Variants in MGLL observed in about 807,000 individuals in gnomAD.
MGLL encodes the protein monoglyceride lipase.
A neutral mutation model predicts 29.1 loss-of-function variants in MGLL; 7 were observed. The observed-to-expected ratio is 0.24, with a 90% CI of 0.14 to 0.45. MGLL has a LOEUF of 0.45. Among genes scored for constraint, MGLL ranks in the 20% least tolerant of loss-of-function variants. The pLI is 0.99. For synonymous variants in MGLL, 148 were observed against 168.3 expected (o/e 0.88, Z 0.93); for missense variants, 356 against 413.6 (o/e 0.86, Z 1.21).
chr3:127,695,940 C>T (rs2075351693), intron 6 of MGLL, among the ~76,000 whole-genome samples: 1 of 152,190 alleles, frequency 6.6e-6, no homozygotes. Context: ...CAGTAAACTG[C>T]AGGAACAGTT....
At chr3:127,759,917 T>C (rs544405785) in intron 3 of MGLL, among the ~76,000 whole-genome samples, 2 of 152,214 alleles carry the variant, frequency 1.3e-5, no homozygotes, top group Admixed American at 6.5e-5. Context: ...ATTATGATTA[T>C]GGGGTCTGAA....
In MGLL at chr3:127,789,875, A is replaced by G. The variant is rs1210766310; in HGVS notation, c.156-7980T>C. Among the ~76,000 whole-genome samples the G allele has an allele frequency of 2.0e-5, 3 of 152,240 alleles. No homozygotes were observed. In the East Asian group the frequency reaches 5.8e-4, roughly 29 times the overall value. ...CATTCTTTGATCTAATACTCCTTTC[A>G]GAATGGGCACAACTCAGACCCAGAA... On this transcript the variant is annotated intron_variant, in intron 2 of 7. Transcript: ENST00000265052.
chr3:127,782,346 G>C (rs1277252983), intron 2 of MGLL, among the ~76,000 whole-genome samples: 1 of 152,234 alleles, frequency 6.6e-6, no homozygotes, highest in Non-Finnish European at 1.5e-5. Context: ...TCAAATAAGA[G>C]GAGTTTGCTG....
intron 5 of MGLL, among the ~76,000 whole-genome samples, chr3:127,716,210 G>A (rs113688973): frequency 2.0e-5 from 3 of 152,360 alleles, no homozygotes; most frequent in Admixed American, 6.5e-5. Context: ...ATTTGGAGAC[G>A]CGAAGCAGGC....
intron 4 of MGLL, 60 bp from the exon 5 acceptor site, chr3:127,721,223 A>C: frequency 1.4e-6 from 2 of 1,453,300 alleles, no homozygotes; most frequent in Non-Finnish European, 1.9e-6. Context: ...CACATTTCTA[A>C]TAAACATGAC....
chr3:127,740,370 T>C (rs1195748097), intron 3 of MGLL, among the ~76,000 whole-genome samples: 1 of 152,194 alleles, frequency 6.6e-6, no homozygotes, highest in Non-Finnish European at 1.5e-5. Flanking sequence ...TGACTTTTTG[T>C]CTTCATGAGT....
At chr3:127,696,998 C>T (rs1407349719) in intron 6 of MGLL, among the ~76,000 whole-genome samples, 2 of 152,246 alleles carry the variant, frequency 1.3e-5, no homozygotes, top group African/African-American at 4.8e-5. Context: ...CCCTGCCATC[C>T]CTGGATTCCT....
chr3:127,735,696 T>C (rs767613469), intron 3 of MGLL: 7 of 1,595,364 alleles, frequency 4.4e-6, no homozygotes, highest in Non-Finnish European at 5.1e-6. Context: ...ATGAAACAGC[T>C]GAACATACCT....
intron 3 of MGLL, among the ~76,000 whole-genome samples, chr3:127,738,647 A>T (rs2076285611): frequency 2.0e-5 from 3 of 152,170 alleles, no homozygotes; most frequent in Admixed American, 2.0e-4. Context: ...GGCCCTCTCC[A>T]TCTGGGCACA....
chr3:127,743,116 G>A (rs1338265971), intron 3 of MGLL, among the ~76,000 whole-genome samples: 2 of 152,228 alleles, frequency 1.3e-5, no homozygotes, highest in African/African-American at 2.4e-5. Context: ...CACCCAGCCT[G>A]TTTGAGCCAT....
intron 3 of MGLL, among the ~76,000 whole-genome samples, chr3:127,759,553 A>G (rs2076727345): frequency 6.6e-6 from 1 of 152,202 alleles, no homozygotes; most frequent in African/African-American, 2.4e-5. Context: ...GCATGTTCTC[A>G]TGTCTCACTG....
At chr3:127,804,614 A>C (rs2077534499) in intron 2 of MGLL, among the ~76,000 whole-genome samples, 1 of 152,220 alleles carries the variant, frequency 6.6e-6, no homozygotes, top group Non-Finnish European at 1.5e-5. Context: ...GTCAGTAGTC[A>C]CATCTTTCTA....
At chr3:127,739,918 G>T (rs1312528076) in intron 3 of MGLL, among the ~76,000 whole-genome samples, 1 of 152,174 alleles carries the variant, frequency 6.6e-6, no homozygotes, top group Non-Finnish European at 1.5e-5. Context: ...GGTGAAGCAC[G>T]TATAGAGACT....
chr3:127,799,021 C>T (rs2077432152), intron 2 of MGLL, among the ~76,000 whole-genome samples: 1 of 152,228 alleles, frequency 6.6e-6, no homozygotes. Context: ...TGGAGCCAAA[C>T]ACCAAAGGCC....
chr3:127,757,741 A>T (rs1389258505), intron 3 of MGLL, among the ~76,000 whole-genome samples: 1 of 152,136 alleles, frequency 6.6e-6, no homozygotes, highest in Non-Finnish European at 1.5e-5. Context: ...CCTCCGAGAG[A>T]GTGTTTCTTG....
intron 3 of MGLL, chr3:127,736,456 G>T: frequency 3.2e-6 from 2 of 631,008 alleles, no homozygotes; most frequent in Non-Finnish European, 3.9e-6. Flanking sequence ...GTGAGAAATG[G>T]CTCCGCTGCC....
intron 3 of MGLL, chr3:127,736,306 CT>C (rs1289848407): frequency 2.0e-6 from 2 of 985,762 alleles, no homozygotes; most frequent in African/African-American, 3.5e-5. Context: ...AGAAGTGAAA[CT>C]TTTAGAAAGC....
chr3:127,727,708 A>G lies in MGLL; in HGVS notation c.263-5142T>C, dbSNP rs553228546. Among the ~76,000 whole-genome samples, 38 of 149,858 alleles carry G rather than the reference A, an allele frequency of 2.5e-4. No individual in the cohort carries two copies. The South Asian group carries it at 8.0e-3, about 32-fold the overall frequency. ...GCCTGGGCAACAGAGCAAGGCTAAA[A>G]AAAAAAAAAAAAAAAAAAAAACAGA... On this transcript the variant is annotated intron_variant, in intron 3 of 7. Coordinates refer to ENST00000265052, the MANE Select transcript of MGLL (RefSeq NM_007283.7).
chr3:127,757,772 G>T (rs984955334), intron 3 of MGLL, among the ~76,000 whole-genome samples: 1 of 152,076 alleles, frequency 6.6e-6, no homozygotes, highest in Admixed American at 6.6e-5. Context: ...GGGTAGATCC[G>T]AATCCAAGCT....
Sources: gnomAD v4.1 joint callset for allele counts (sites outside exome capture counted in the v4.1 genomes callset) on GRCh38, gnomAD v4.1.1 for gene constraint, MANE v1.5 for transcripts, NCBI Gene and HGNC (gene_info 2026-07-23, HGNC 2026-07-21) for gene names.